The following C1QTNF3 variants were observed in gnomAD, a reference collection of about 807,000 sequenced individuals.
C1QTNF3 encodes the protein complement C1q tumor necrosis factor-related protein 3.
In C1QTNF3, 26 loss-of-function variants were observed where a neutral mutation model predicts 32.6. That is an observed-to-expected ratio of 0.80 (90% confidence interval 0.58 to 1.11). C1QTNF3 has a LOEUF of 1.11. Among genes scored for constraint, C1QTNF3 ranks in the 50% least tolerant of loss-of-function variants. The pLI is 0.00. For synonymous variants in C1QTNF3, 155 were observed against 146.0 expected (o/e 1.06, Z -0.44); for missense variants, 362 against 398.2 (o/e 0.91, Z 0.77).
At chr5:34,043,817 T>A (rs1192311006), upstream of C1QTNF3, 2 of 152,238 alleles carry the variant, frequency 1.3e-5, no homozygotes, top group Non-Finnish European at 2.9e-5. Context: ...TCCCCATGAC[T>A]TCCCAAAAGC....
chr5:34,032,580 T>C (rs1754642146), intron 3 of C1QTNF3, among the ~76,000 whole-genome samples: 1 of 152,158 alleles, frequency 6.6e-6, no homozygotes, highest in South Asian at 2.1e-4. Context: ...GCAGATCACT[T>C]CAGGCCAGGA....
the C1QTNF3 span, among the ~76,000 whole-genome samples, chr5:34,063,213 T>A: frequency 6.6e-6 from 1 of 152,220 alleles, no homozygotes; most frequent in East Asian, 1.9e-4. Context: ...TACTTGTATA[T>A]CTCTTTCTTT....
chr5:34,070,891 C>T, the C1QTNF3 span, among the ~76,000 whole-genome samples: 86 of 152,196 alleles, frequency 5.7e-4, no homozygotes, highest in East Asian at 0.015. Context: ...CAATCTTTTG[C>T]AAGACTGTCA....
chr5:34,228,700 C>T, the C1QTNF3 span, among the ~76,000 whole-genome samples: 10 of 151,956 alleles, frequency 6.6e-5, no homozygotes, highest in Non-Finnish European at 1.2e-4. Flanking sequence ...AACCAAGATC[C>T]ACATAAAAAG....
chr5:34,115,718 G>A, the C1QTNF3 span, among the ~76,000 whole-genome samples: 39 of 149,042 alleles, frequency 2.6e-4, no homozygotes, highest in South Asian at 7.3e-3. Context: ...GTGACAGAGC[G>A]AGACTCTGTG....
intron 1 of C1QTNF3, among the ~76,000 whole-genome samples, chr5:34,036,242 G>C (rs1245957976): frequency 2.0e-5 from 3 of 152,138 alleles, no homozygotes; most frequent in African/African-American, 7.2e-5. Flanking sequence ...GCTAGATTAA[G>C]ATCTCTTAGA....
chr5:34,222,998 T>C, the C1QTNF3 span, among the ~76,000 whole-genome samples: 1 of 151,974 alleles, frequency 6.6e-6, no homozygotes, highest in Non-Finnish European at 1.5e-5. Flanking sequence ...TAATTAAAAA[T>C]GAACATTTTT....
intron 1 of C1QTNF3, among the ~76,000 whole-genome samples, chr5:34,039,231 A>T (rs967415058): frequency 2.0e-5 from 3 of 152,174 alleles, no homozygotes; most frequent in Non-Finnish European, 4.4e-5. Context: ...GGGAAGAATC[A>T]AGGGAGAAGT....
chr5:34,097,127 T>C, the C1QTNF3 span, among the ~76,000 whole-genome samples: 4 of 152,016 alleles, frequency 2.6e-5, no homozygotes, highest in East Asian at 1.9e-4. Context: ...ATGTTTTCAA[T>C]AGTCCATGAA....
the C1QTNF3 span, among the ~76,000 whole-genome samples, chr5:34,097,173 C>T: frequency 6.6e-6 from 1 of 151,672 alleles, no homozygotes; most frequent in Non-Finnish European, 1.5e-5. Context: ...TGAATATAAA[C>T]TATGTAAAAC....
the C1QTNF3 span, among the ~76,000 whole-genome samples, chr5:34,226,535 T>C: frequency 6.6e-6 from 1 of 151,538 alleles, no homozygotes; most frequent in Non-Finnish European, 1.5e-5. Context: ...TCTATCAATA[T>C]CCTTCCCACC....
chr5:34,033,836 A>G (rs1271868889), intron 2 of C1QTNF3, among the ~76,000 whole-genome samples: 2 of 152,234 alleles, frequency 1.3e-5, no homozygotes, highest in East Asian at 1.9e-4. Flanking sequence ...ACATTTAATG[A>G]TATAGTGATA....
At chr5:34,175,048 C>CT in the C1QTNF3 span, among the ~76,000 whole-genome samples, 4,362 of 136,474 alleles carry the variant, frequency 0.032, 211 homozygotes, top group African/African-American at 0.11. Context: ...TGCCCAGCTC[C>CT]TTTTTTTTTT....
At chr5:34,081,255 T>C in the C1QTNF3 span, among the ~76,000 whole-genome samples, 5 of 151,784 alleles carry the variant, frequency 3.3e-5, no homozygotes, top group African/African-American at 1.2e-4. Context: ...ATAATGAAAT[T>C]ATTGACAAAA....
the C1QTNF3 span, among the ~76,000 whole-genome samples, chr5:34,180,492 G>A: frequency 6.4e-4 from 94 of 146,230 alleles, no homozygotes; most frequent in Middle Eastern, 7.6e-3. Flanking sequence ...ACTCCAGCCT[G>A]GGCAACACAG....
the C1QTNF3 span, among the ~76,000 whole-genome samples, chr5:34,128,596 A>G: frequency 6.6e-6 from 1 of 152,206 alleles, no homozygotes; most frequent in African/African-American, 2.4e-5. Flanking sequence ...TTGCATCAGC[A>G]TTCCCTGGAT....
At chr5:34,110,156 T>C in the C1QTNF3 span, among the ~76,000 whole-genome samples, 56 of 152,192 alleles carry the variant, frequency 3.7e-4, no homozygotes, top group Middle Eastern at 3.4e-3. Context: ...TGACAATACG[T>C]GAAAAATACA....
chr5:34,176,593 C>A, the C1QTNF3 span, among the ~76,000 whole-genome samples: 1 of 152,110 alleles, frequency 6.6e-6, no homozygotes, highest in Non-Finnish European at 1.5e-5. Context: ...AGGAAAAATA[C>A]GTCTTTAGGT....
the C1QTNF3 span, among the ~76,000 whole-genome samples, chr5:34,209,002 G>A: frequency 1.3e-5 from 2 of 152,192 alleles, no homozygotes; most frequent in Admixed American, 6.5e-5. Context: ...GTAGTGGAGT[G>A]TGCTATTCAC....
Sources: gnomAD v4.1 joint callset for allele counts (sites outside exome capture counted in the v4.1 genomes callset) on GRCh38, gnomAD v4.1.1 for gene constraint, MANE v1.5 for transcripts, NCBI Gene and HGNC (gene_info 2026-07-23, HGNC 2026-07-21) for gene names.